The following POU6F2 variants were observed in gnomAD, a reference collection of about 807,000 sequenced individuals.
POU6F2 encodes the protein POU domain, class 6, transcription factor 2.
In POU6F2, 31 loss-of-function variants were observed where a neutral mutation model predicts 71.3. The ratio of observed to expected loss-of-function variants is 0.43; its 90% CI spans 0.33 to 0.59. The LOEUF is 0.59. Ranked by LOEUF, POU6F2 falls within the 20% of genes least tolerant of loss-of-function variation. POU6F2 has a pLI of 0.04. For synonymous variants in POU6F2, 347 were observed against 355.7 expected, an observed-to-expected ratio of 0.98 and a Z score of 0.27; for missense variants, 783 against 856.8, an observed-to-expected ratio of 0.91 and a Z score of 1.07.
At chr7:39,002,302 G>T (rs546690219) in intron 1 of POU6F2, among the ~76,000 whole-genome samples, 12 of 152,106 alleles carry the variant, frequency 7.9e-5, no homozygotes, top group African/African-American at 2.9e-4. Context: ...TTAATATAAG[G>T]TTGATTTTGC....
Position 39,243,173 on chromosome 7 carries a change from C to T in POU6F2, c.598+35553C>T, listed in dbSNP as rs573168373. On this transcript the variant is annotated intron_variant, in intron 4 of 9. Coordinates refer to ENST00000518318, the MANE Select transcript of POU6F2 (RefSeq NM_001370959.1). ...CATAGCACATATTATATTATTTGAA[C>T]AATAATAAAATGGCAGTATTCTTCC... 2.3e-3 allele frequency among the ~76,000 whole-genome samples: 344 copies of T among 152,162 alleles called. 1 individual carries two copies. Among genetic ancestry groups the T allele is most frequent in the African/African-American group, 8.1e-3 (337 of 41,518 alleles).
At chr7:39,055,985 T>C (rs922064614) in intron 1 of POU6F2, among the ~76,000 whole-genome samples, 5 of 151,222 alleles carry the variant, frequency 3.3e-5, no homozygotes, top group Admixed American at 1.3e-4. Context: ...TCTAGATGAC[T>C]CATCTATCAA....
rs910101369 is a variant in POU6F2 at position 39,050,906 on chromosome 7, G to A, written c.106-34954G>A. On this transcript the variant is annotated intron_variant, in intron 1 of 9. Coordinates refer to ENST00000518318, the MANE Select transcript of POU6F2 (RefSeq NM_001370959.1). ...CTGTAAGTGTTTGGTCAATTTCCAG[G>A]ACACTGTAATGGTTGTTTCTGATAC... 3.9e-5 allele frequency among the ~76,000 whole-genome samples: 6 copies of A among 152,128 alleles called. No individual in the cohort carries two copies. In the East Asian group the frequency reaches 1.2e-3, roughly 29 times the overall value.
intron 4 of POU6F2, among the ~76,000 whole-genome samples, chr7:39,232,265 GTTC>G (rs1393078967): frequency 6.6e-6 from 1 of 152,024 alleles, no homozygotes; most frequent in Non-Finnish European, 1.5e-5. Flanking sequence ...TTTGTTAGCT[GTTC>G]TTCTTTCCAA....
At position 39,033,225 on chromosome 7, in the gene POU6F2, A is replaced by T. The variant is rs148775544; in HGVS notation, c.106-52635A>T. ...TATTAGGCTGAGGAATGCCAACAAC[A>T]CATCTTGTGGCTACCCGGCGAACTG... On this transcript the variant is annotated intron_variant, in intron 1 of 9. Transcript: ENST00000518318. Among the ~76,000 whole-genome samples, 176 of 152,276 alleles carry T rather than the reference A, an allele frequency of 1.2e-3. 3 individuals are homozygous for T. In the South Asian group the frequency reaches 0.032, roughly 28 times the overall value.
intron 1 of POU6F2, among the ~76,000 whole-genome samples, chr7:39,019,300 G>A (rs1260523183): frequency 6.6e-6 from 1 of 152,152 alleles, no homozygotes; most frequent in African/African-American, 2.4e-5. Context: ...CTTATGAAAT[G>A]TCTGAAACCA....
At chr7:39,258,759 A>G (rs1465930668) in intron 4 of POU6F2, among the ~76,000 whole-genome samples, 1 of 152,032 alleles carries the variant, frequency 6.6e-6, no homozygotes. Flanking sequence ...AATCTGTGAT[A>G]TTGTAAAGTG....
intron 1 of POU6F2, among the ~76,000 whole-genome samples, chr7:39,034,898 A>G (rs906764307): frequency 2.6e-5 from 4 of 152,076 alleles, no homozygotes; most frequent in Non-Finnish European, 5.9e-5. Flanking sequence ...ATTTTTAATG[A>G]ATCAAAAGTA....
chr7:39,271,656 C>T (rs982014066), intron 4 of POU6F2, among the ~76,000 whole-genome samples: 2 of 152,164 alleles, frequency 1.3e-5, no homozygotes, highest in African/African-American at 4.8e-5. Flanking sequence ...TTGCAAAATT[C>T]CCGTCTCGTG....
intron 2 of POU6F2, among the ~76,000 whole-genome samples, chr7:39,093,981 GACTT>G (rs1397013901): frequency 1.3e-5 from 2 of 151,974 alleles, no homozygotes; most frequent in African/African-American, 4.8e-5. Flanking sequence ...AACTAACAAA[GACTT>G]ATTTATAATA....
intron 4 of POU6F2, among the ~76,000 whole-genome samples, chr7:39,311,779 A>G (rs771612987): frequency 6.6e-6 from 1 of 152,242 alleles, no homozygotes; most frequent in Non-Finnish European, 1.5e-5. Flanking sequence ...GGGACAAAGT[A>G]TGCAAAGGGC....
At chr7:39,310,330 A>G (rs943813971) in intron 4 of POU6F2, among the ~76,000 whole-genome samples, 1 of 152,246 alleles carries the variant, frequency 6.6e-6, no homozygotes, top group African/African-American at 2.4e-5. Context: ...TAACAGCTTT[A>G]TGTATAAGGC....
chr7:39,088,307 C>T (rs1219538041), intron 2 of POU6F2, among the ~76,000 whole-genome samples: 2 of 151,760 alleles, frequency 1.3e-5, no homozygotes, highest in African/African-American at 4.9e-5. Flanking sequence ...TTTGCAGGGG[C>T]CTGTTTTGCT....
intron 3 of POU6F2, among the ~76,000 whole-genome samples, 186 bp from the exon 4 acceptor site, chr7:39,207,206 A>G (rs181089861): frequency 1.5e-3 from 228 of 152,374 alleles, no homozygotes; most frequent in African/African-American, 5.0e-3. Context: ...AATTTTCCAA[A>G]GAAATCAATG....
intron 2 of POU6F2, among the ~76,000 whole-genome samples, chr7:39,194,717 C>G (rs1793745558): frequency 6.6e-6 from 1 of 152,210 alleles, no homozygotes; most frequent in Non-Finnish European, 1.5e-5. Flanking sequence ...TTTCGTTCTT[C>G]ACAGTAACTT....
At chr7:39,315,677 A>G (rs1785251556) in intron 4 of POU6F2, among the ~76,000 whole-genome samples, 1 of 152,058 alleles carries the variant, frequency 6.6e-6, no homozygotes, top group Admixed American at 6.6e-5. Flanking sequence ...CACTTATCCC[A>G]TGGATCTCTC....
intron 8 of POU6F2, 111 bp downstream of exon 8, chr7:39,451,812 A>G: frequency 7.6e-7 from 1 of 1,318,586 alleles, no homozygotes; most frequent in South Asian, 1.4e-5. Flanking sequence ...CTTTCTCTCA[A>G]CCCTGCACAG....
intron 2 of POU6F2, among the ~76,000 whole-genome samples, chr7:39,162,835 C>T (rs1017947159): frequency 2.6e-5 from 4 of 152,202 alleles, no homozygotes; most frequent in Admixed American, 6.5e-5. Flanking sequence ...AGTATCATTC[C>T]GAAAACTGAG....
At position 39,460,519 on chromosome 7, in the gene POU6F2, G is replaced by T; in HGVS notation, c.1490-28G>T. ...TTGCTCGGCTGTGTGTTGACGTATT[G>T]ATCCTATTTTTAAAAACATCTCCAC... On this transcript the variant is annotated intron_variant, in intron 8 of 9. Coordinates refer to ENST00000518318, the MANE Select transcript of POU6F2 (RefSeq NM_001370959.1). The surrounding 1 kb of genome is among the most constrained non-coding windows in gnomAD (Gnocchi z 4.4). 1.2e-6 allele frequency: 2 copies of T among 1,609,322 alleles called. No individual in the cohort carries two copies. Among genetic ancestry groups the T allele is most frequent in the South Asian group, 2.2e-5 (2 of 90,028 alleles).
Sources: allele counts gnomAD v4.1 joint callset (sites outside exome capture counted in the v4.1 genomes callset), GRCh38; gene constraint gnomAD v4.1.1; non-coding constraint Gnocchi (gnomAD v3.1); transcripts MANE v1.5; gene names NCBI Gene and HGNC (gene_info 2026-07-23, HGNC 2026-07-21).